The following MGAT4C variants were observed in gnomAD, a reference collection of about 807,000 sequenced individuals.
MGAT4C encodes the protein MGAT4 family member C, also known as alpha-1,3-mannosyl-glycoprotein 4-beta-N-acetylglucosaminyltransferase C.
Under a neutral mutation model 40.1 loss-of-function variants are expected in MGAT4C, and 19 were observed. The observed-to-expected ratio is 0.47, with a 90% CI of 0.33 to 0.70. MGAT4C has a LOEUF of 0.70. MGAT4C is among the 30% of genes least tolerant of loss of function. MGAT4C has a pLI of 0.02. For synonymous variants in MGAT4C, 181 were observed against 187.1 expected (o/e 0.97, Z 0.27); for missense variants, 491 against 563.2 (o/e 0.87, Z 1.30).
chr12:86,720,958 T>C (rs1046444130), intron 2 of MGAT4C, among the ~76,000 whole-genome samples: 2 of 152,190 alleles, frequency 1.3e-5, no homozygotes, highest in African/African-American at 4.8e-5. Context: ...TTGTATACTC[T>C]GCCCTTCCTC....
At chr12:86,639,075 C>A (rs1347334416) in intron 2 of MGAT4C, among the ~76,000 whole-genome samples, 1 of 151,638 alleles carries the variant, frequency 6.6e-6, no homozygotes, top group East Asian at 1.9e-4. Context: ...ATCACTTTGG[C>A]CCTTTTTATA....
chr12:86,304,996 G>A (rs1953900199), intron 4 of MGAT4C, among the ~76,000 whole-genome samples: 1 of 150,716 alleles, frequency 6.6e-6, no homozygotes, highest in Non-Finnish European at 1.5e-5. Context: ...AAATCACCTA[G>A]TGTATGATAC....
In MGAT4C at chr12:86,700,178, C is replaced by CAGACAGAT. The variant is rs1386887962; in HGVS notation, c.-229+27030_-229+27031insATCTGTCT. Among the ~76,000 whole-genome samples the CAGACAGAT allele has an allele frequency of 1.7e-3, 236 of 140,758 alleles. 1 individual carries two copies. The highest frequency in any genetic ancestry group is 7.5e-3 in the East Asian group (35 of 4,648). 92.3% of individuals were successfully genotyped at this position (140,758 alleles called of 152,430 possible). On this transcript the variant is annotated intron_variant, in intron 2 of 7. Coordinates refer to the MGAT4C transcript ENST00000548651. ...ACAGACAGACAGACAGACAGACAGA[C>CAGACAGAT]AGATAGATAGATAGATAGATAGATA... is the stretch of plus-strand genomic sequence containing the variant.
chr12:86,606,254 T>C (rs1227915124), intron 2 of MGAT4C, among the ~76,000 whole-genome samples: 1 of 152,114 alleles, frequency 6.6e-6, no homozygotes, highest in African/African-American at 2.4e-5. Context: ...TATCAGCAAC[T>C]ATATACTAAA....
At chr12:86,268,982 T>G (rs1952866013) in intron 4 of MGAT4C, among the ~76,000 whole-genome samples, 1 of 134,088 alleles carries the variant, frequency 7.5e-6, no homozygotes. Context: ...ACACATCTCA[T>G]TTGCCTTTTG....
intron 3 of MGAT4C, among the ~76,000 whole-genome samples, chr12:86,406,467 T>C (rs1956476792): frequency 6.6e-6 from 1 of 151,942 alleles, no homozygotes; most frequent in Non-Finnish European, 1.5e-5. Context: ...TATATGCAAA[T>C]CGCAAGTAAG....
rs1302466449 is a variant in MGAT4C, at chr12:86,611,452, TA to T, written c.-229+115756del. ...GATAGATGACAGATAGATAGATAGA[TA>T]GATGATAGATAGATAGATAGATAGA... On this transcript the variant is annotated intron_variant, in intron 2 of 7. Transcript: ENST00000548651. Among the ~76,000 whole-genome samples, 22 of 123,484 alleles carry T rather than the reference TA, an allele frequency of 1.8e-4. No homozygotes were observed. In the South Asian group the frequency reaches 2.0e-3, roughly 11 times the overall value. 81.0% of individuals were successfully genotyped at this position (123,484 alleles called of 152,430 possible).
chr12:86,353,086 G>T (rs1294308849), intron 3 of MGAT4C, among the ~76,000 whole-genome samples: 1 of 151,032 alleles, frequency 6.6e-6, no homozygotes, highest in Non-Finnish European at 1.5e-5. Context: ...AAGAGATCCA[G>T]AATCTAACCA....
At chr12:86,482,654 C>A (rs555669478) in intron 2 of MGAT4C, among the ~76,000 whole-genome samples, 2 of 151,882 alleles carry the variant, frequency 1.3e-5, no homozygotes, top group Non-Finnish European at 2.9e-5. Context: ...GAAGTGTTTT[C>A]GTATTTAAAA....
intron 2 of MGAT4C, among the ~76,000 whole-genome samples, chr12:86,030,303 G>A (rs1385858634): frequency 6.6e-6 from 1 of 151,740 alleles, no homozygotes; most frequent in African/African-American, 2.4e-5. Flanking sequence ...TGACACTGGA[G>A]TTGAAATCAG....
At chr12:86,604,242 A>C (rs1477741428) in intron 2 of MGAT4C, among the ~76,000 whole-genome samples, 1 of 152,112 alleles carries the variant, frequency 6.6e-6, no homozygotes, top group Non-Finnish European at 1.5e-5. Flanking sequence ...ACTTCTTTTG[A>C]AATGACTTTA....
At chr12:86,296,289 A>C (rs548464886) in intron 4 of MGAT4C, among the ~76,000 whole-genome samples, 4 of 152,218 alleles carry the variant, frequency 2.6e-5, no homozygotes, top group Non-Finnish European at 5.9e-5. Flanking sequence ...CCTGAGCTAG[A>C]CATAAAAACT....
At chr12:86,525,627 G>A (rs970419835) in intron 2 of MGAT4C, among the ~76,000 whole-genome samples, 28 of 151,928 alleles carry the variant, frequency 1.8e-4, no homozygotes, top group Admixed American at 9.8e-4. Flanking sequence ...TTTTTTAATC[G>A]TATTTGACAA....
chr12:86,427,243 T>A (rs1424625966), intron 3 of MGAT4C, among the ~76,000 whole-genome samples: 1 of 152,182 alleles, frequency 6.6e-6, no homozygotes, highest in Non-Finnish European at 1.5e-5. Flanking sequence ...GGACATGTAT[T>A]TCATATTACT....
At chr12:86,572,054 T>C (rs1960390282) in intron 2 of MGAT4C, among the ~76,000 whole-genome samples, 1 of 152,144 alleles carries the variant, frequency 6.6e-6, no homozygotes, top group Non-Finnish European at 1.5e-5. Context: ...ATCTTATCTT[T>C]ACTCATTTGA....
chr12:86,268,444 A>T (rs1013867940), intron 4 of MGAT4C, among the ~76,000 whole-genome samples: 10 of 151,836 alleles, frequency 6.6e-5, no homozygotes, highest in Admixed American at 3.9e-4. Flanking sequence ...ATGATATATA[A>T]AGGATTTTTT....
intron 1 of MGAT4C, among the ~76,000 whole-genome samples, chr12:86,807,275 C>A (rs980643108): frequency 2.0e-5 from 3 of 151,940 alleles, no homozygotes; most frequent in Admixed American, 2.0e-4. Context: ...CTCTCTCTTC[C>A]CCCACTCCAC....
chr12:86,533,043 C>G (rs940087691), intron 2 of MGAT4C, among the ~76,000 whole-genome samples: 1 of 151,962 alleles, frequency 6.6e-6, no homozygotes, highest in Non-Finnish European at 1.5e-5. Context: ...GAAAACTAAG[C>G]CTCAGATAGG....
chr12:86,103,435 G>C (rs566890845), intron 1 of MGAT4C, among the ~76,000 whole-genome samples: 1 of 152,220 alleles, frequency 6.6e-6, no homozygotes, highest in South Asian at 2.1e-4. Context: ...TGACTACAGA[G>C]CCAGAGACTA....
Sources: allele counts gnomAD v4.1 joint callset (sites outside exome capture counted in the v4.1 genomes callset), GRCh38; gene constraint gnomAD v4.1.1; transcripts MANE v1.5; gene names NCBI Gene and HGNC (gene_info 2026-07-23, HGNC 2026-07-21).